The following CCP110 variants were observed in gnomAD, a reference collection of about 807,000 sequenced individuals.
CCP110 encodes centriolar coiled-coil protein of 110 kDa.
Under a neutral mutation model 105.5 loss-of-function variants are expected in CCP110, and 43 were observed. That is an observed-to-expected ratio of 0.41 (90% CI 0.32 to 0.53). The LOEUF (loss-of-function observed/expected upper bound fraction) is 0.53. CCP110 is among the 20% of genes least tolerant of loss of function. CCP110 has a pLI of 0.32. For synonymous variants in CCP110, 353 were observed against 392.1 expected, an observed-to-expected ratio of 0.90 and a Z score of 1.18; for missense variants, 1,016 against 1,189.1, an observed-to-expected ratio of 0.85 and a Z score of 2.14.
intron 5 of CCP110, 52 bp downstream of exon 5, chr16:19,540,839 A>G (rs753907986): frequency 6.4e-7 from 1 of 1,574,372 alleles, no homozygotes; most frequent in Non-Finnish European, 8.7e-7. Context: ...AGCCAAGGAT[A>G]CCTATGAATT....
intron 12 of CCP110, 70 bp from the exon 13 acceptor site, chr16:19,547,885 C>T (rs1238778450): frequency 9.4e-7 from 1 of 1,061,118 alleles, no homozygotes; most frequent in African/African-American, 1.6e-5. Context: ...CATCTTTCAT[C>T]CGTTGAAAGA....
chr16:19,548,185 C>G lies in CCP110; in HGVS notation c.2900+171C>G, dbSNP rs1970524168. 1.5e-6 allele frequency: 1 copy of G among 659,586 alleles called. No individual in the cohort carries two copies. Among genetic ancestry groups the G allele is most frequent in the Non-Finnish European group, 2.7e-6 (1 of 368,604 alleles). The allele number at this position is 659,586 out of a possible 1,614,324, so 40.9% of individuals were successfully genotyped here. ...AAGTTTTGTCTTCAAATGTAACCCT[C>G]TTGGTGTACTGTTGTGTATTCTAAT... is the stretch of plus-strand genomic sequence containing the variant. On this transcript the variant is annotated intron_variant, in intron 13 of 14. Coordinates refer to ENST00000381396, the Ensembl canonical transcript of CCP110. The surrounding 1 kb of genome is among the most constrained non-coding windows in gnomAD (Gnocchi z 4.1).
At chr16:19,536,503 C>G in exon 4 of CCP110, 1 of 1,613,896 alleles carries the variant, frequency 6.2e-7, no homozygotes, top group Non-Finnish European at 8.5e-7. Flanking sequence ...AAGAGAAAGG[C>G]CAGTTGACAG....
At chr16:19,536,643 T>C (rs1970070807) in exon 4 of CCP110, 1 of 1,614,164 alleles carries the variant, frequency 6.2e-7, no homozygotes, top group Middle Eastern at 1.6e-4. Context: ...AAAGTGGACA[T>C]ACCTATACGA....
intron 2 of CCP110, among the ~76,000 whole-genome samples, chr16:19,532,150 A>G (rs564345978): frequency 6.6e-6 from 1 of 152,302 alleles, no homozygotes; most frequent in African/African-American, 2.4e-5. Context: ...ACACATAGCA[A>G]AATGCACAAA....
Position 19,548,317 on chromosome 16 carries a change from A to G in CCP110, c.2901-198A>G, listed in dbSNP as rs1970527288. On this transcript the variant is annotated intron_variant, in intron 13 of 14. Coordinates refer to ENST00000381396, the Ensembl canonical transcript of CCP110. This position sits in a 1 kb window ranked among gnomAD's most constrained non-coding sequence, Gnocchi z 4.1. Reference sequence around the variant, plus strand: ...TTCAGCATCACCGAAGTGATTCTCCAACAGAGTATGACTCGTGCTTATAGT... The same window carrying G: ...TTCAGCATCACCGAAGTGATTCTCCGACAGAGTATGACTCGTGCTTATAGT... 5.2e-6 allele frequency: 3 copies of G among 582,436 alleles called. No homozygotes were observed. In the Admixed American group the frequency reaches 9.9e-5, roughly 19 times the overall value. The allele number at this position is 582,436 out of a possible 1,614,324, so 36.1% of individuals were successfully genotyped here.
exon 4 of CCP110, chr16:19,535,952 C>T: frequency 1.0e-5 from 16 of 1,586,074 alleles, no homozygotes; most frequent in African/African-American, 1.4e-5. Context: ...TAGAAAAGCA[C>T]CTAATGCCAG....
chr16:19,530,821 G>A (rs1426657165), intron 2 of CCP110, among the ~76,000 whole-genome samples: 1 of 152,102 alleles, frequency 6.6e-6, no homozygotes, highest in East Asian at 1.9e-4. Flanking sequence ...AGGCATGATG[G>A]TGGGTGCCTG....
intron 4 of CCP110, among the ~76,000 whole-genome samples, chr16:19,538,302 CTTTTTTTT>C (rs1164690143): frequency 3.4e-4 from 19 of 55,244 alleles, no homozygotes; most frequent in Admixed American, 2.2e-3. Context: ...GGAAACAGTT[CTTTTTTTT>C]TTTTTTTTTT....
At chr16:19,529,989 G>C (rs1278284615) in intron 2 of CCP110, among the ~76,000 whole-genome samples, 1 of 151,822 alleles carries the variant, frequency 6.6e-6, no homozygotes, top group African/African-American at 2.4e-5. Context: ...TTGATCCCCA[G>C]AGTTTGAGAC....
At chr16:19,531,587 G>A (rs948155205) in intron 2 of CCP110, among the ~76,000 whole-genome samples, 1 of 152,178 alleles carries the variant, frequency 6.6e-6, no homozygotes, top group Non-Finnish European at 1.5e-5. Flanking sequence ...TTAAACCTTT[G>A]GACATTTTTT....
chr16:19,528,491 C>G lies in CCP110; in HGVS notation c.141+469C>G, dbSNP rs1233232629. ...CTATTTTATAAACTCTCATACATAC[C>G]ATTACAGTAAGGCAGATGTAAATGT... On this transcript the variant is annotated intron_variant, in intron 2 of 14. Transcript: ENST00000381396. Among the ~76,000 whole-genome samples the G allele has an allele frequency of 2.0e-5, 3 of 152,238 alleles. No individual in the cohort carries two copies. In the East Asian group the frequency reaches 5.8e-4, roughly 29 times the overall value.
chr16:19,536,704 C>A, exon 4 of CCP110: 1 of 1,614,166 alleles, frequency 6.2e-7, no homozygotes, highest in Non-Finnish European at 8.5e-7. Flanking sequence ...AAGTTATTCC[C>A]ACTTTTGTTA....
Position 19,548,198 on chromosome 16 carries a change from T to C in CCP110, c.2900+184T>C. 1 of 634,122 alleles carries C rather than the reference T, an allele frequency of 1.6e-6. No individual in the cohort carries two copies. Among genetic ancestry groups the C allele is most frequent in the Non-Finnish European group, 2.8e-6 (1 of 355,058 alleles). The allele number at this position is 634,122 out of a possible 1,614,324, so 39.3% of individuals were successfully genotyped here. ...AAATGTAACCCTCTTGGTGTACTGT[T>C]GTGTATTCTAATTACTGTCTTAAGT... On this transcript the variant is annotated intron_variant, in intron 13 of 14. Coordinates refer to ENST00000381396, the Ensembl canonical transcript of CCP110. The surrounding 1 kb of genome is among the most constrained non-coding windows in gnomAD (Gnocchi z 4.1).
intron 4 of CCP110, 71 bp from the exon 5 acceptor site, chr16:19,540,586 A>G (rs1970241573): frequency 1.6e-6 from 2 of 1,252,748 alleles, no homozygotes; most frequent in South Asian, 2.7e-5. Flanking sequence ...GGATAATTTA[A>G]ATTGATGGTA....
intron 3 of CCP110, among the ~76,000 whole-genome samples, chr16:19,535,417 T>C (rs1970016614): frequency 1.3e-5 from 2 of 152,180 alleles, no homozygotes; most frequent in Admixed American, 6.5e-5. Flanking sequence ...AGGAGTCTTA[T>C]TACTGAATCA....
chr16:19,540,591 A>T, intron 4 of CCP110, 66 bp from the exon 5 acceptor site: 1 of 1,276,468 alleles, frequency 7.8e-7, no homozygotes, highest in African/African-American at 1.5e-5. Flanking sequence ...ATTTAAATTG[A>T]TGGTATAAAA....
At chr16:19,545,743 G>T in intron 10 of CCP110, 74 bp from the exon 11 acceptor site, 1 of 758,556 alleles carries the variant, frequency 1.3e-6, no homozygotes, top group South Asian at 1.6e-5. Context: ...AGGCAATGTG[G>T]GATTATAATA....
chr16:19,528,541 T>C (rs1039663057), intron 2 of CCP110, among the ~76,000 whole-genome samples: 1 of 152,132 alleles, frequency 6.6e-6, no homozygotes, highest in South Asian at 2.1e-4. Context: ...ATCTCAATGA[T>C]CTAGTGTAAA....
Sources: gnomAD v4.1 joint callset for allele counts (sites outside exome capture counted in the v4.1 genomes callset) on GRCh38, gnomAD v4.1.1 for gene constraint, Gnocchi (gnomAD v3.1) non-coding constraint, MANE v1.5 for transcripts, NCBI Gene and HGNC (gene_info 2026-07-23, HGNC 2026-07-21) for gene names.